The following LPP variants were observed in gnomAD, a reference collection of about 807,000 sequenced individuals.
The protein encoded by LPP is LIM domain containing preferred translocation partner in lipoma, also known as lipoma-preferred partner.
Under a neutral mutation model 60.4 loss-of-function variants are expected in LPP, and 38 were observed. That is an observed-to-expected ratio of 0.63 (90% CI 0.49 to 0.83). The LOEUF (loss-of-function observed/expected upper bound fraction) is 0.83, where lower values mean the gene tolerates loss of function less well. Ranked by LOEUF, LPP falls within the 40% of genes least tolerant of loss-of-function variation. The probability of loss-of-function intolerance (pLI) is 0.00; values close to 1 mark genes in which losing one functional copy is unlikely to be tolerated. For synonymous variants in LPP, 328 were observed against 290.8 expected, an observed-to-expected ratio of 1.13 and a Z score of -1.30; for missense variants, 902 against 783.6, an observed-to-expected ratio of 1.15 and a Z score of -1.80.
At chr3:188,800,555 G>A (rs545603470) in intron 9 of LPP, among the ~76,000 whole-genome samples, 1 of 151,966 alleles carries the variant, frequency 6.6e-6, no homozygotes, top group Non-Finnish European at 1.5e-5. Context: ...AAAACTTTCT[G>A]CAGGATATAT....
At chr3:188,195,620 C>A (rs570423412) in intron 1 of LPP, among the ~76,000 whole-genome samples, 1 of 152,290 alleles carries the variant, frequency 6.6e-6, no homozygotes, top group South Asian at 2.1e-4. Flanking sequence ...CTAGTTCGAA[C>A]TGAGATGTGC....
At chr3:188,250,782 CTTTCTG>C (rs776706172) in intron 2 of LPP, among the ~76,000 whole-genome samples, 2,995 of 110,926 alleles carry the variant, frequency 0.027, 76 homozygotes, top group South Asian at 0.037. Context: ...TTCTTTCTTT[CTTTCTG>C]TCTTTCTCTT....
At chr3:188,661,591 G>T (rs1576899302) in intron 7 of LPP, among the ~76,000 whole-genome samples, 1 of 152,190 alleles carries the variant, frequency 6.6e-6, no homozygotes, top group African/African-American at 2.4e-5. Context: ...ATCTTGTTTG[G>T]TGAGGTGTCT....
chr3:188,601,331 C>T (rs1355695296), intron 6 of LPP, among the ~76,000 whole-genome samples: 1 of 152,122 alleles, frequency 6.6e-6, no homozygotes, highest in African/African-American at 2.4e-5. Flanking sequence ...TTTATGCTCT[C>T]TGGTCATTTC....
intron 7 of LPP, among the ~76,000 whole-genome samples, chr3:188,665,496 G>A (rs1428480384): frequency 3.8e-5 from 4 of 104,846 alleles, no homozygotes; most frequent in African/African-American, 1.6e-4. Context: ...TTTTGCTCTT[G>A]TTGCCCAGGC....
At position 188,878,177 on chromosome 3, in the gene LPP, A is replaced by G. The variant is rs929621270; in HGVS notation, c.*3698A>G. 28 of 218,050 alleles carry G rather than the reference A, an allele frequency of 1.3e-4. No homozygotes were observed. The highest frequency in any genetic ancestry group is 5.6e-4 in the African/African-American group (25 of 44,506). 13.5% of individuals were successfully genotyped at this position (218,050 alleles called of 1,614,324 possible). A position where few individuals can be genotyped will look rare whatever the true frequency, so the allele number is the denominator to read the frequency against. On this transcript the variant is annotated 3_prime_UTR_variant, in exon 12 of 12. Transcript: ENST00000617246. ...AAAATCCTATTAATGTGAACCAGCC[A>G]GGAATAACAGTGTTATTTCTATTGG...
intron 9 of LPP, among the ~76,000 whole-genome samples, chr3:188,815,610 T>C (rs1752254243): frequency 6.6e-6 from 1 of 152,118 alleles, no homozygotes; most frequent in African/African-American, 2.4e-5. Flanking sequence ...ACAATGGATT[T>C]GTTGGGGAAA....
At chr3:188,214,487 T>C (rs1248279061) in intron 1 of LPP, among the ~76,000 whole-genome samples, 1 of 152,172 alleles carries the variant, frequency 6.6e-6, no homozygotes, top group Non-Finnish European at 1.5e-5. Flanking sequence ...GAAATATGTT[T>C]TGGGGAAGCA....
At chr3:188,709,954 C>T (rs938059114) in intron 8 of LPP, 2 of 151,956 alleles carry the variant, frequency 1.3e-5, no homozygotes, top group Admixed American at 1.3e-4. Flanking sequence ...TCCTTTGTTC[C>T]TGTATTTATC....
chr3:188,379,273 T>C (rs1776206108), intron 3 of LPP, among the ~76,000 whole-genome samples: 1 of 152,036 alleles, frequency 6.6e-6, no homozygotes, highest in Admixed American at 6.5e-5. Context: ...TAACCAGAGA[T>C]ACAAATGACA....
intron 2 of LPP, 22 bp from the exon 3 acceptor site, chr3:188,341,640 CT>C: frequency 1.0e-6 from 1 of 960,892 alleles, no homozygotes; most frequent in Non-Finnish European, 1.2e-6. Flanking sequence ...GTAATTTTTA[CT>C]TATTTCATTT....
chr3:188,351,194 C>T (rs1765732562), intron 3 of LPP, among the ~76,000 whole-genome samples: 1 of 152,216 alleles, frequency 6.6e-6, no homozygotes, highest in African/African-American at 2.4e-5. Flanking sequence ...AGTAGAGAAG[C>T]AAATGACTAT....
At chr3:188,540,997 A>G (rs1000590280) in intron 6 of LPP, among the ~76,000 whole-genome samples, 5 of 152,316 alleles carry the variant, frequency 3.3e-5, no homozygotes, top group African/African-American at 1.2e-4. Flanking sequence ...CATCTGAAAG[A>G]CATGTTGATT....
chr3:188,586,957 C>A (rs887705189), intron 6 of LPP, among the ~76,000 whole-genome samples: 1 of 152,024 alleles, frequency 6.6e-6, no homozygotes, highest in Non-Finnish European at 1.5e-5. Flanking sequence ...TCTTGAACAC[C>A]TGACCTCGTG....
chr3:188,341,488 A>G (rs1763048368), intron 2 of LPP, among the ~76,000 whole-genome samples, 175 bp from the exon 3 acceptor site: 1 of 152,216 alleles, frequency 6.6e-6, no homozygotes, highest in Admixed American at 6.5e-5. Flanking sequence ...CTATGAAGCC[A>G]GTAGAATCAT....
At chr3:188,643,062 T>C (rs1173515356) in intron 7 of LPP, among the ~76,000 whole-genome samples, 2 of 152,128 alleles carry the variant, frequency 1.3e-5, no homozygotes, top group African/African-American at 2.4e-5. Flanking sequence ...AGAAGCGAGT[T>C]TGAGACTAGG....
intron 3 of LPP, among the ~76,000 whole-genome samples, chr3:188,371,633 ATATATATATTTTTTTTTTTT>A (rs1294328272): frequency 2.1e-4 from 6 of 28,712 alleles, no homozygotes; most frequent in Admixed American, 5.9e-4. Flanking sequence ...ATATATATAT[ATATATATATTTTTTTTTTTT>A]TTTTTTTTTT....
intron 1 of LPP, among the ~76,000 whole-genome samples, chr3:188,191,775 G>T (rs1238299417): frequency 6.6e-6 from 1 of 152,176 alleles, no homozygotes; most frequent in Non-Finnish European, 1.5e-5. Flanking sequence ...TGTGCTTCCG[G>T]ACCTCAAGGA....
At chr3:188,858,258 A>G (rs889956778) in intron 9 of LPP, among the ~76,000 whole-genome samples, 29 of 152,252 alleles carry the variant, frequency 1.9e-4, no homozygotes, top group African/African-American at 5.1e-4. Context: ...CTCTCTCACC[A>G]TAGTCTTAGT....
Sources: gnomAD v4.1 joint callset for allele counts (sites outside exome capture counted in the v4.1 genomes callset) on GRCh38, gnomAD v4.1.1 for gene constraint, MANE v1.5 for transcripts, NCBI Gene and HGNC (gene_info 2026-07-23, HGNC 2026-07-21) for gene names.